Variants in FREM1 observed in about 807,000 individuals in gnomAD.
The protein encoded by FREM1 is FRAS1 related extracellular matrix 1, also known as FRAS1-related extracellular matrix protein 1.
In FREM1, 220 loss-of-function variants were observed where a neutral mutation model predicts 210.1. That is an observed-to-expected ratio of 1.05 (90% CI 0.94 to 1.17). The LOEUF is 1.17. FREM1 is among the 50% of genes most tolerant of loss of function. The pLI is 0.00. For missense variants in FREM1, 3,454 were observed against 2,675.5 expected (o/e 1.29, Z -6.42); for synonymous variants, 1,189 against 980.2 (o/e 1.21, Z -3.98).
intron 20 of FREM1, among the ~76,000 whole-genome samples, chr9:14,798,823 G>A (rs889987053): frequency 1.3e-5 from 2 of 152,016 alleles, no homozygotes; most frequent in African/African-American, 4.8e-5. Context: ...ACAGACAGGT[G>A]TGACCACACC....
chr9:14,850,909 T>C (rs1281804875), intron 6 of FREM1, among the ~76,000 whole-genome samples: 1 of 152,200 alleles, frequency 6.6e-6, no homozygotes, highest in Non-Finnish European at 1.5e-5. Context: ...CAAGTTTTAA[T>C]TGTTTTCTAT....
chr9:14,860,533 G>GCATATATATACACA (rs1829617631), intron 3 of FREM1, among the ~76,000 whole-genome samples: 1 of 77,916 alleles, frequency 1.3e-5, no homozygotes, highest in African/African-American at 8.3e-5. Context: ...TAGTAGGTAT[G>GCATATATATACACA]TATATATATA....
At chr9:14,863,283 G>A (rs1588457437) in intron 3 of FREM1, among the ~76,000 whole-genome samples, 1 of 149,464 alleles carries the variant, frequency 6.7e-6, no homozygotes, top group East Asian at 2.0e-4. Context: ...AGAGGTTGCA[G>A]TGAGCCGAGA....
chr9:14,745,975 A>C (rs1014867264), intron 35 of FREM1, among the ~76,000 whole-genome samples: 2 of 147,434 alleles, frequency 1.4e-5, no homozygotes, highest in Non-Finnish European at 3.0e-5. Context: ...CTTATCACAT[A>C]AAAAAAGAAA....
In FREM1 at chr9:14,737,224, T is replaced by C. The variant is rs553086697; in HGVS notation, c.*172A>G. The C allele has an allele frequency of 3.2e-5, 17 of 529,560 alleles. No homozygotes were observed. The East Asian group carries it at 3.9e-4, about 12-fold the overall frequency. 32.8% of individuals were successfully genotyped at this position (529,560 alleles called of 1,614,324 possible). On this transcript the variant is annotated 3_prime_UTR_variant, in exon 37 of 37. Transcript: ENST00000380880. Reference sequence around the variant, plus strand: ...ATTGTATCTTATCTTGTAAAAAATATTTATTTATCAATCTTTCTGGCACTA... The same window carrying C: ...ATTGTATCTTATCTTGTAAAAAATACTTATTTATCAATCTTTCTGGCACTA...
chr9:14,759,533 T>TAATAATAATAATAATAATA (rs1845076996), intron 28 of FREM1, among the ~76,000 whole-genome samples: 1 of 150,306 alleles, frequency 6.7e-6, no homozygotes, highest in African/African-American at 2.4e-5. Context: ...ATAATAATAA[T>TAATAATAATAATAATAATA]ATCTCTTGTG....
chr9:14,831,713 G>T, intron 10 of FREM1, among the ~76,000 whole-genome samples: 1 of 152,296 alleles, frequency 6.6e-6, no homozygotes, highest in African/African-American at 2.4e-5. Flanking sequence ...CCAATTACAT[G>T]ATTTTTCTTG....
intron 35 of FREM1, among the ~76,000 whole-genome samples, chr9:14,745,128 G>A (rs141957110): frequency 6.6e-6 from 1 of 152,198 alleles, no homozygotes; most frequent in African/African-American, 2.4e-5. Context: ...TGGAAAGTGA[G>A]AGGAGGAAGA....
At chr9:14,900,983 T>C (rs1224001642) in intron 1 of FREM1, among the ~76,000 whole-genome samples, 4 of 152,218 alleles carry the variant, frequency 2.6e-5, no homozygotes, top group Non-Finnish European at 1.5e-5. Context: ...TGAAAGAAAT[T>C]AACATAAAGT....
rs377466529 is a variant in FREM1, at chr9:14,776,157, T to A, written c.4489A>T (p.Ile1497Phe). 96 of 1,554,700 alleles carry A rather than the reference T, an allele frequency of 6.2e-5. No individual in the cohort carries two copies. In the African/African-American group the frequency reaches 1.1e-3, roughly 18 times the overall value. Residue 1497 changes from isoleucine to phenylalanine, a missense_variant, in exon 25 of 37, where the codon ATC (isoleucine) becomes TTC (phenylalanine). Transcript: ENST00000380880. ...GCTCTGTCCACAGTCTCCAGTGTGA[T>A]CTCAAACACCCCGTGCTCGGTCCGC... Reference protein sequence around the residue: ...GLRTEHGVFEITLETVDRALP... With the variant: ...GLRTEHGVFEFTLETVDRALP...
chr9:14,868,074 T>C (rs932547935), intron 2 of FREM1, among the ~76,000 whole-genome samples: 3 of 152,216 alleles, frequency 2.0e-5, no homozygotes, highest in Non-Finnish European at 4.4e-5. Context: ...AAGTGAAGTA[T>C]CTTCACATCT....
Position 14,851,561 on chromosome 9 carries a change from T to C in FREM1, c.875A>G (p.Asn292Ser). 1.2e-6 allele frequency: 2 copies of C among 1,613,964 alleles called. No individual in the cohort carries two copies. Among genetic ancestry groups the C allele is most frequent in the Non-Finnish European group, 1.7e-6 (2 of 1,179,848 alleles). The change falls in exon 6 of 37, where the codon AAT becomes AGT. Residue 292 changes from asparagine (N) to serine (S), a missense_variant. Asn to Ser is a conservative substitution (Grantham distance 46, BLOSUM62 1). Coordinates refer to ENST00000380880, the MANE Select transcript of FREM1 (RefSeq NM_001379081.2). ...CATGAATGCAGCCTTTGGAATCTGA[T>C]TCGGAATTCCAGCTCTGATATAGAC... Reference protein sequence around the residue: ...LPVYIRAGIPNQIPKAAFMAV... With the variant: ...LPVYIRAGIPSQIPKAAFMAV...
chr9:14,794,362 C>A (rs925802820), intron 21 of FREM1, among the ~76,000 whole-genome samples: 5 of 152,154 alleles, frequency 3.3e-5, no homozygotes, highest in African/African-American at 1.2e-4. Flanking sequence ...GAAGCTGGAG[C>A]ATTTATCTTA....
At chr9:14,871,579 G>A (rs145815614) in intron 1 of FREM1, among the ~76,000 whole-genome samples, 4,500 of 152,140 alleles carry the variant, frequency 0.03, 234 homozygotes, top group African/African-American at 0.1. Flanking sequence ...AGTAGGTTGC[G>A]AAAATTTTCT....
At chr9:14,796,917 T>A (rs1192265098) in intron 21 of FREM1, among the ~76,000 whole-genome samples, 5 of 152,154 alleles carry the variant, frequency 3.3e-5, no homozygotes, top group Non-Finnish European at 7.3e-5. Flanking sequence ...ACTGAGAAAG[T>A]TTACAATTGA....
chr9:14,876,008 AT>A (rs1461866779), intron 1 of FREM1, among the ~76,000 whole-genome samples: 5 of 152,178 alleles, frequency 3.3e-5, no homozygotes, highest in Admixed American at 6.5e-5. Context: ...TGAACCGCAA[AT>A]GCTGCTGTCT....
intron 21 of FREM1, 149 bp downstream of exon 21, chr9:14,797,349 G>C (rs750248259): frequency 1.6e-4 from 80 of 514,424 alleles, no homozygotes; most frequent in Admixed American, 8.3e-4. Flanking sequence ...TGCACTAAAG[G>C]TTCCTCATGC....
At chr9:14,808,398 G>T (rs1252791967) in intron 16 of FREM1, among the ~76,000 whole-genome samples, 3 of 152,154 alleles carry the variant, frequency 2.0e-5, no homozygotes, top group Non-Finnish European at 2.9e-5. Flanking sequence ...GGGCCAACAA[G>T]GGTCTGACAG....
rs1314812757 is a variant in FREM1, at chr9:14,857,666, C to A, written c.715G>T (p.Glu239Ter). ...TAACGAAGGCCCATCAGCAGGAACT[C>A]CTCACAGCTCACTTTGAGGCTTCCT... is the stretch of plus-strand genomic sequence containing the variant. ...KIGSLKVSCE[E>*]FLLMGLRYQH... Residue 239 changes from glutamate (E) to a stop codon, truncating the protein, a stop_gained, in exon 5 of 37, where the codon GAG (glutamate) becomes TAG (stop). Coordinates refer to ENST00000380880, the MANE Select transcript of FREM1 (RefSeq NM_001379081.2). LOFTEE classifies it high-confidence loss of function. 6.2e-7 allele frequency: 1 copy of A among 1,613,846 alleles called. No individual in the cohort carries two copies. The highest frequency in any genetic ancestry group is 1.1e-5 in the South Asian group (1 of 91,066).
Sources: allele counts gnomAD v4.1 joint callset (sites outside exome capture counted in the v4.1 genomes callset), GRCh38; gene constraint gnomAD v4.1.1; transcripts MANE v1.5; gene names NCBI Gene and HGNC (gene_info 2026-07-23, HGNC 2026-07-21).